PIP4K2C: variants seen among roughly 807,000 people sequenced by gnomAD.
The protein encoded by PIP4K2C is phosphatidylinositol 5-phosphate 4-kinase type-2 gamma.
In PIP4K2C, 21 loss-of-function variants were observed where a neutral mutation model predicts 45.0. The ratio of observed to expected loss-of-function variants is 0.47; its 90% CI spans 0.33 to 0.67. The LOEUF (loss-of-function observed/expected upper bound fraction) is 0.67. PIP4K2C is among the 30% of genes least tolerant of loss of function. The probability of loss-of-function intolerance (pLI) is 0.02; values close to 1 mark genes in which losing one functional copy is unlikely to be tolerated. For synonymous variants in PIP4K2C, 201 were observed against 204.8 expected, an observed-to-expected ratio of 0.98 and a Z score of 0.16; for missense variants, 456 against 542.8, an observed-to-expected ratio of 0.84 and a Z score of 1.59.
chr12:57,596,806 T>C (rs1883215157), intron 4 of PIP4K2C, among the ~76,000 whole-genome samples: 2 of 152,132 alleles, frequency 1.3e-5, no homozygotes, highest in Admixed American at 6.5e-5. Flanking sequence ...ATAGTAGAAG[T>C]CTGTACAGAA....
rs1565712307 is a variant in PIP4K2C, at chr12:57,595,194, G to A, written c.341G>A (p.Arg114Gln). 2.5e-6 allele frequency: 4 copies of A among 1,610,740 alleles called. No homozygotes were observed. The highest frequency in any genetic ancestry group is 2.2e-5 in the East Asian group (1 of 44,856). ...CAGGTCTTCAGGAACCTCCGTGATC[G>A]ATTTGGCATTGATGACCAAGATTAC... ...CPQVFRNLRDRFGIDDQDYLV... is the reference protein window; with the variant it reads ...CPQVFRNLRDQFGIDDQDYLV... Residue 114 changes from arginine to glutamine, a missense_variant, in exon 3 of 10, where the codon CGA (arginine) becomes CAA (glutamine). Transcript: ENST00000354947.
At position 57,600,585 on chromosome 12, in the gene PIP4K2C, A is replaced by G. The variant is rs577943672; in HGVS notation, c.813+148A>G. On this transcript the variant is annotated intron_variant, in intron 7 of 9. Coordinates refer to ENST00000354947, the MANE Select transcript of PIP4K2C (RefSeq NM_024779.5). ...ATATGGGGGTTTAGTATGAGACATG[A>G]AAAACCCCTGGAGCTGACCCGTGGA... 130 of 820,812 alleles carry G rather than the reference A, an allele frequency of 1.6e-4. 1 individual carries two copies. Among genetic ancestry groups the G allele is most frequent in the Non-Finnish European group, 2.4e-4 (124 of 508,584 alleles). The allele number at this position is 820,812 out of a possible 1,614,324, so 50.8% of individuals were successfully genotyped here. A position where few individuals can be genotyped will look rare whatever the true frequency, so the allele number is the denominator to read the frequency against.
chr12:57,599,452 T>C lies in PIP4K2C; in HGVS notation c.699+14T>C, dbSNP rs761491006. On this transcript the variant is annotated intron_variant, in intron 6 of 9. Coordinates refer to ENST00000354947, the MANE Select transcript of PIP4K2C (RefSeq NM_024779.5). ...GATAAGGAAAAGGTGATAGTAATTT[T>C]ATGTGCTAGGGTGAGGGATGAGGGA... The C allele has an allele frequency of 7.4e-6, 12 of 1,613,960 alleles. No individual in the cohort carries two copies. The highest frequency in any genetic ancestry group is 1.6e-4 in the Middle Eastern group (1 of 6,084).
chr12:57,591,907 T>C (rs957130374), intron 1 of PIP4K2C, among the ~76,000 whole-genome samples: 1 of 152,030 alleles, frequency 6.6e-6, no homozygotes, highest in African/African-American at 2.4e-5. Flanking sequence ...CCACCTTGCT[T>C]CCCAGCCCCG....
In PIP4K2C at chr12:57,601,011, C is replaced by T. The variant is rs755361675; in HGVS notation, c.1014C>T (p.Ser338=). ...AGGGTATCGGAGGCTACATCCATTC[C>T]CATCGGCCCCTGGGCCCAGGAGAGT... ...SPEGIGGYIH[S]HRPLGPGEFE... is the part of the protein sequence containing the mutation. The change falls in exon 8 of 10, where the codon TCC becomes TCT. Residue 338 remains serine (S), a synonymous_variant. Coordinates refer to ENST00000354947, the MANE Select transcript of PIP4K2C (RefSeq NM_024779.5). 1 of 1,614,088 alleles carries T rather than the reference C, an allele frequency of 6.2e-7. No homozygotes were observed.
In PIP4K2C at chr12:57,594,767, C is replaced by T. The variant is rs112989294; in HGVS notation, c.273-359C>T. Among the ~76,000 whole-genome samples, 754 of 152,008 alleles carry T rather than the reference C, an allele frequency of 5.0e-3. 7 individuals carry two copies. Among genetic ancestry groups the T allele is most frequent in the African/African-American group, 0.017 (712 of 41,444 alleles). Reference sequence around the variant, plus strand: ...GGTGGATCACTTGAGGTCAGGAGTTCGAGACCAGCCTGCAAACATGGCAAA... The same window carrying T: ...GGTGGATCACTTGAGGTCAGGAGTTTGAGACCAGCCTGCAAACATGGCAAA... On this transcript the variant is annotated intron_variant, in intron 2 of 9. Coordinates refer to ENST00000354947, the MANE Select transcript of PIP4K2C (RefSeq NM_024779.5).
At position 57,600,317 on chromosome 12, in the gene PIP4K2C, T is replaced by C; in HGVS notation, c.700-7T>C. On this transcript the variant is annotated splice_polypyrimidine_tract_variant and splice_region_variant and intron_variant, in intron 6 of 9. Transcript: ENST00000354947. Reference sequence around the variant, plus strand: ...TGTTCCCAAGATGTCCCTTTACATATTCTTAGGTTAAAGAATTGCCCACCC... The same window carrying C: ...TGTTCCCAAGATGTCCCTTTACATACTCTTAGGTTAAAGAATTGCCCACCC... The C allele has an allele frequency of 6.4e-7, 1 of 1,556,968 alleles. No individual in the cohort carries two copies. The highest frequency in any genetic ancestry group is 8.8e-7 in the Non-Finnish European group (1 of 1,130,946).
Position 57,591,287 on chromosome 12 carries a change from A to T in PIP4K2C, c.-3A>T. 2 of 1,605,836 alleles carry T rather than the reference A, an allele frequency of 1.2e-6. No individual in the cohort carries two copies. The highest frequency in any genetic ancestry group is 1.7e-6 in the Non-Finnish European group (2 of 1,174,920). ...TTCCACTTGGTCGGTTGCGCGGGAG[A>T]CTATGGCGTCCTCCTCGGTCCCACC... On this transcript the variant is annotated 5_prime_UTR_variant, in exon 1 of 10. Transcript: ENST00000354947.
chr12:57,595,864 C>G (rs1418256876), intron 3 of PIP4K2C, 24 bp from the exon 4 acceptor site: 1 of 1,612,914 alleles, frequency 6.2e-7, no homozygotes, highest in Non-Finnish European at 8.5e-7. Context: ...AGGAAAAGAG[C>G]TCTGGCCTAT....
chr12:57,600,554 C>T, intron 7 of PIP4K2C, 117 bp downstream of exon 7: 1 of 823,364 alleles, frequency 1.2e-6, no homozygotes, highest in Non-Finnish European at 2.0e-6. Context: ...TTCAGGTCCT[C>T]TGCCTATATG....
Position 57,599,050 on chromosome 12 carries a change from CCT to C in PIP4K2C, c.514-12_514-11del, listed in dbSNP as rs1342335433. The stretch of plus-strand genomic sequence containing the variant: ...ACTCAGCCTCTCCCCATTCCTTCCC[CCT>C]CTTTCACTGTAGTACATTGTGAAGT... On this transcript the variant is annotated splice_polypyrimidine_tract_variant and intron_variant, in intron 4 of 9. Coordinates refer to ENST00000354947, the MANE Select transcript of PIP4K2C (RefSeq NM_024779.5). 3.1e-6 allele frequency: 5 copies of C among 1,612,444 alleles called. No homozygotes were observed. The highest frequency in any genetic ancestry group is 3.4e-6 in the Non-Finnish European group (4 of 1,178,892).
intron 1 of PIP4K2C, among the ~76,000 whole-genome samples, chr12:57,592,304 C>A (rs928256476): frequency 3.9e-5 from 6 of 152,096 alleles, no homozygotes; most frequent in African/African-American, 1.4e-4. Flanking sequence ...CAGCCATTGC[C>A]CATCTTCCGT....
At chr12:57,591,533 G>GCTCCAGC in intron 1 of PIP4K2C, 70 bp downstream of exon 1, 1 of 1,479,976 alleles carries the variant, frequency 6.8e-7, no homozygotes, top group Non-Finnish European at 9.0e-7. Flanking sequence ...CTGTTTCCAG[G>GCTCCAGC]CTCCAGCCTC....
chr12:57,595,278 C>A, intron 3 of PIP4K2C, 56 bp downstream of exon 3: 1 of 1,064,556 alleles, frequency 9.4e-7, no homozygotes, highest in Non-Finnish European at 1.5e-6. Context: ...CTGAGGAGTA[C>A]TATTTGGGAC....
intron 4 of PIP4K2C, among the ~76,000 whole-genome samples, chr12:57,596,902 A>G (rs906046688): frequency 1.3e-5 from 2 of 152,252 alleles, no homozygotes; most frequent in East Asian, 3.8e-4. Flanking sequence ...TAGAGGAGAT[A>G]CTGTAAGAGT....
At position 57,601,016 on chromosome 12, in the gene PIP4K2C, G is replaced by A. The variant is rs748653777; in HGVS notation, c.1019G>A (p.Arg340Gln). 4.3e-6 allele frequency: 7 copies of A among 1,613,908 alleles called. No homozygotes were observed. Among genetic ancestry groups the A allele is most frequent in the Admixed American group, 1.7e-5 (1 of 59,998 alleles). Residue 340 changes from arginine to glutamine, a missense_variant, in exon 8 of 10, where the codon CGG (arginine) becomes CAG (glutamine). Physicochemically the swap from Arg to Gln is conservative, Grantham distance 43. Transcript: ENST00000354947. ...EGIGGYIHSHRPLGPGEFESF... is the reference protein window; with the variant it reads ...EGIGGYIHSHQPLGPGEFESF... The stretch of plus-strand genomic sequence containing the variant: ...ATCGGAGGCTACATCCATTCCCATC[G>A]GCCCCTGGGCCCAGGAGAGTTTGAG...
chr12:57,594,229 G>A, intron 2 of PIP4K2C, 107 bp downstream of exon 2: 1 of 893,836 alleles, frequency 1.1e-6, no homozygotes, highest in South Asian at 1.8e-5. Context: ...CCCAAATGCA[G>A]AAATTAGTTT....
In PIP4K2C at chr12:57,603,346, G is replaced by T. The variant is rs1248890282; in HGVS notation, c.*1740G>T. 1.3e-5 allele frequency: 2 copies of T among 150,340 alleles called. No individual in the cohort carries two copies. The highest frequency in any genetic ancestry group is 2.5e-5 in the African/African-American group (1 of 40,670). The allele number at this position is 150,340 out of a possible 1,614,324, so 9.3% of individuals were successfully genotyped here. ...GTTGCTTCTGTTTTTCATCTTTTTT[G>T]TTTTATTAATAAAAATTTATGTATT... is the stretch of plus-strand genomic sequence containing the variant. On this transcript the variant is annotated 3_prime_UTR_variant, in exon 10 of 10. Coordinates refer to ENST00000354947, the MANE Select transcript of PIP4K2C (RefSeq NM_024779.5).
At chr12:57,599,312 G>A (rs1883326845) in intron 5 of PIP4K2C, 88 bp from the exon 6 acceptor site, 1 of 1,605,578 alleles carries the variant, frequency 6.2e-7, no homozygotes, top group East Asian at 2.2e-5. Context: ...AGGGAAAGAA[G>A]GCTGGGTTTG....
Sources: allele counts gnomAD v4.1 joint callset (sites outside exome capture counted in the v4.1 genomes callset), GRCh38; gene constraint gnomAD v4.1.1; transcripts MANE v1.5; gene names NCBI Gene and HGNC (gene_info 2026-07-23, HGNC 2026-07-21).